Variants in CDC42BPB observed in about 807,000 individuals in gnomAD.
The protein encoded by CDC42BPB is CDC42 binding protein kinase beta, also known as serine/threonine-protein kinase MRCK beta.
A neutral mutation model predicts 214.9 loss-of-function variants in CDC42BPB; 37 were observed. That is an observed-to-expected ratio of 0.17 (90% CI 0.13 to 0.23). CDC42BPB has a LOEUF of 0.23. CDC42BPB is among the 10% of genes least tolerant of loss of function. The probability of loss-of-function intolerance (pLI) is 1.00; values close to 1 mark genes in which losing one functional copy is unlikely to be tolerated. For missense variants in CDC42BPB, 1,694 were observed against 2,227.0 expected (o/e 0.76, Z 4.82); for synonymous variants, 931 against 884.0 (o/e 1.05, Z -0.94).
chr14:102,991,688 A>C (rs559568020), intron 5 of CDC42BPB, among the ~76,000 whole-genome samples: 3 of 152,194 alleles, frequency 2.0e-5, no homozygotes, highest in African/African-American at 7.2e-5. Flanking sequence ...ATATAATAGG[A>C]GCCAAAATAT....
intron 1 of CDC42BPB, among the ~76,000 whole-genome samples, chr14:103,013,936 C>A (rs113743446): frequency 1.3e-5 from 2 of 152,096 alleles, no homozygotes; most frequent in Non-Finnish European, 2.9e-5. Flanking sequence ...GAGGCCGAGG[C>A]GGGCGGATCA....
chr14:102,995,614 G>A (rs17101145), intron 5 of CDC42BPB, among the ~76,000 whole-genome samples: 64,896 of 152,150 alleles, frequency 0.43, 14,652 homozygotes, highest in African/African-American at 0.56. Context: ...TTCCTCACCC[G>A]GAAGGCTTTT....
chr14:103,034,035 T>C (rs758674583), intron 1 of CDC42BPB, among the ~76,000 whole-genome samples: 5 of 152,226 alleles, frequency 3.3e-5, no homozygotes, highest in Admixed American at 6.5e-5. Context: ...CAGCGTAACA[T>C]ATCTGTCTCC....
At chr14:102,939,512 C>T in intron 34 of CDC42BPB, 98 bp downstream of exon 34, 2 of 859,138 alleles carry the variant, frequency 2.3e-6, no homozygotes, top group Admixed American at 1.9e-5. Flanking sequence ...GCCAGCCTCG[C>T]AGGCACTGCC....
At chr14:102,968,190 T>TA (rs796325900) in intron 16 of CDC42BPB, 63 bp downstream of exon 16, 11 of 1,195,578 alleles carry the variant, frequency 9.2e-6, no homozygotes, top group East Asian at 2.3e-5. Flanking sequence ...AAATTAAAAA[T>TA]AATTTTTTTT....
intron 23 of CDC42BPB, 103 bp from the exon 24 acceptor site, chr14:102,952,706 A>G (rs1485577538): frequency 1.3e-6 from 2 of 1,496,482 alleles, no homozygotes; most frequent in Non-Finnish European, 1.8e-6. Flanking sequence ...CATTATCCTG[A>G]AAAGGTGGAA....
intron 1 of CDC42BPB, among the ~76,000 whole-genome samples, chr14:103,026,066 G>T (rs1275008298): frequency 6.6e-6 from 1 of 152,044 alleles, no homozygotes; most frequent in Non-Finnish European, 1.5e-5. Flanking sequence ...AACTCAAAAT[G>T]AATTGAAGGC....
At chr14:102,946,276 G>A (rs1389802912) in intron 28 of CDC42BPB, among the ~76,000 whole-genome samples, 192 bp downstream of exon 28, 3 of 152,114 alleles carry the variant, frequency 2.0e-5, no homozygotes, top group East Asian at 1.9e-4. Context: ...GCCCGCCTTG[G>A]CCTCCCAGAG....
Position 102,980,893 on chromosome 14 carries a change from C to T in CDC42BPB, c.1020G>A (p.Ala340=), listed in dbSNP as rs1194114740. The change falls in exon 8 of 37, where the codon GCG becomes GCA. Residue 340 remains alanine (A), a synonymous_variant. Transcript: ENST00000361246. The part of the protein sequence containing the change: ...QNGIEDFKKH[A]FFEGLNWENI... ...TTTCCCAATTTAGACCTTCAAAAAA[C>T]GCATGCTTTTTGAAATCCTCTATTC... is the stretch of plus-strand genomic sequence containing the variant. 9 of 1,614,052 alleles carry T rather than the reference C, an allele frequency of 5.6e-6. No homozygotes were observed. The highest frequency in any genetic ancestry group is 1.3e-5 in the African/African-American group (1 of 74,916).
chr14:103,024,819 T>TC (rs1297841216), intron 1 of CDC42BPB, among the ~76,000 whole-genome samples: 18 of 152,202 alleles, frequency 1.2e-4, no homozygotes, highest in Non-Finnish European at 2.4e-4. Context: ...GCTCAAGTGA[T>TC]CTGCCCACCT....
intron 4 of CDC42BPB, among the ~76,000 whole-genome samples, chr14:103,000,544 T>C (rs1031055604): frequency 3.8e-4 from 58 of 152,242 alleles, no homozygotes; most frequent in African/African-American, 1.4e-3. Flanking sequence ...CTGGGGCCGC[T>C]GTGCCTCAGT....
At chr14:103,033,683 T>C (rs10150923) in intron 1 of CDC42BPB, among the ~76,000 whole-genome samples, 5,185 of 152,286 alleles carry the variant, frequency 0.034, 277 homozygotes, top group African/African-American at 0.12. Flanking sequence ...AATGACATTT[T>C]CATACATGAG....
intron 1 of CDC42BPB, among the ~76,000 whole-genome samples, chr14:103,053,157 G>C (rs1413645382): frequency 6.6e-6 from 1 of 151,804 alleles, no homozygotes; most frequent in Non-Finnish European, 1.5e-5. Flanking sequence ...AGACCAGCCT[G>C]GCCAAGATGG....
chr14:103,031,654 C>T (rs114271935), intron 1 of CDC42BPB, among the ~76,000 whole-genome samples: 280 of 152,298 alleles, frequency 1.8e-3, no homozygotes, highest in African/African-American at 6.3e-3. Flanking sequence ...GGCGCCCACA[C>T]GCAGGCCTTT....
rs1891451449 is a variant in CDC42BPB at position 102,932,881 on chromosome 14, G to GGT, written c.*830_*831insAC. Reference sequence around the variant, plus strand: ...CATGCGGGGGCAGGACTGGTGGGGGGGGGGGCGGGCAGGGCGGGGCGGGGT... The same window carrying GGT: ...CATGCGGGGGCAGGACTGGTGGGGGGGTGGGGGCGGGCAGGGCGGGGCGGGGT... On this transcript the variant is annotated 3_prime_UTR_variant, in exon 37 of 37. Transcript: ENST00000361246. 7.7e-6 allele frequency: 1 copy of GGT among 129,926 alleles called. No homozygotes were observed. 8.0% of individuals were successfully genotyped at this position (129,926 alleles called of 1,614,324 possible). A position where few individuals can be genotyped will look rare whatever the true frequency, so the allele number is the denominator to read the frequency against.
intron 36 of CDC42BPB, 116 bp downstream of exon 36, chr14:102,937,988 G>A (rs370269173): frequency 1.0e-5 from 11 of 1,085,596 alleles, no homozygotes; most frequent in East Asian, 2.3e-5. Context: ...CCCTCACACC[G>A]CAAGTGGGGT....
At chr14:102,995,160 T>A (rs1380042747) in intron 5 of CDC42BPB, among the ~76,000 whole-genome samples, 1 of 152,144 alleles carries the variant, frequency 6.6e-6, no homozygotes, top group East Asian at 1.9e-4. Flanking sequence ...TTTAGGGATG[T>A]GATGTTCTCT....
At chr14:103,037,668 C>T (rs1205390772) in intron 1 of CDC42BPB, among the ~76,000 whole-genome samples, 3 of 152,100 alleles carry the variant, frequency 2.0e-5, no homozygotes, top group Non-Finnish European at 1.5e-5. Flanking sequence ...AGGACGGGCC[C>T]AAAGCTAAGG....
intron 28 of CDC42BPB, among the ~76,000 whole-genome samples, chr14:102,945,966 T>C (rs1005533551): frequency 3.9e-5 from 6 of 152,136 alleles, no homozygotes; most frequent in African/African-American, 1.4e-4. Context: ...CTCCTGGAGC[T>C]GACCCTCAGG....
Sources: allele counts gnomAD v4.1 joint callset (sites outside exome capture counted in the v4.1 genomes callset), GRCh38; gene constraint gnomAD v4.1.1; transcripts MANE v1.5; gene names NCBI Gene and HGNC (gene_info 2026-07-23, HGNC 2026-07-21).